Variants in SLC25A26 observed in about 807,000 individuals in gnomAD.
SLC25A26 encodes the protein mitochondrial S-adenosylmethionine carrier protein.
A neutral mutation model predicts 37.8 loss-of-function variants in SLC25A26; 36 were observed. The observed-to-expected ratio is 0.95, with a 90% confidence interval of 0.73 to 1.26. The LOEUF is 1.26. Ranked by LOEUF, SLC25A26 falls within the 50% of genes most tolerant of loss-of-function variation. The probability of loss-of-function intolerance (pLI) is 0.00; values close to 1 mark genes in which losing one functional copy is unlikely to be tolerated. For synonymous variants in SLC25A26, 129 were observed against 122.5 expected (o/e 1.05, Z -0.35); for missense variants, 390 against 331.1 (o/e 1.18, Z -1.38).
intron 1 of SLC25A26, among the ~76,000 whole-genome samples, chr3:66,147,275 C>T (rs1191430718): frequency 4.0e-5 from 6 of 150,822 alleles, no homozygotes; most frequent in African/African-American, 1.5e-4. Context: ...GCGATCCTCC[C>T]GCCTCATCCT....
intron 2 of SLC25A26, among the ~76,000 whole-genome samples, chr3:66,241,191 T>C (rs1314417950): frequency 6.6e-6 from 1 of 152,158 alleles, no homozygotes. Flanking sequence ...AAACCCGTGT[T>C]CAAGGATCAC....
intron 1 of SLC25A26, among the ~76,000 whole-genome samples, chr3:66,209,841 TAGAG>T (rs1166815747): frequency 1.2e-4 from 15 of 125,466 alleles, no homozygotes; most frequent in Non-Finnish European, 1.8e-4. Context: ...ACCTTATATA[TAGAG>T]AGAGGTGTGT....
intron 1 of SLC25A26, among the ~76,000 whole-genome samples, chr3:66,139,678 GTGT>G (rs2070005434): frequency 6.6e-6 from 1 of 152,202 alleles, no homozygotes; most frequent in Admixed American, 6.5e-5. Context: ...GTCGGCTGCA[GTGT>G]TACACATGCA....
intron 4 of SLC25A26, 115 bp from the exon 5 acceptor site, chr3:66,263,217 G>A: frequency 1.4e-6 from 1 of 730,318 alleles, no homozygotes; most frequent in Non-Finnish European, 2.5e-6. Context: ...AGAGAAGTGT[G>A]GCAATTGTGA....
intron 5 of SLC25A26, among the ~76,000 whole-genome samples, chr3:66,267,749 A>G (rs1196221134): frequency 2.6e-5 from 4 of 152,192 alleles, no homozygotes; most frequent in African/African-American, 9.6e-5. Context: ...TCTGTTCAGT[A>G]AGTTCATTGA....
At chr3:66,187,995 C>T (rs1475760614) in intron 1 of SLC25A26, among the ~76,000 whole-genome samples, 1 of 152,162 alleles carries the variant, frequency 6.6e-6, no homozygotes, top group Non-Finnish European at 1.5e-5. Flanking sequence ...CTATGACCCT[C>T]CTCACTATTA....
At chr3:66,371,089 T>C (rs1183141485) in intron 9 of SLC25A26, 3 of 1,382,772 alleles carry the variant, frequency 2.2e-6, no homozygotes, top group Non-Finnish European at 2.8e-6. Context: ...TCTAGCTTCA[T>C]GTCCTAAAAG....
At chr3:66,228,734 TC>T (rs1553661934) in intron 1 of SLC25A26, among the ~76,000 whole-genome samples, 1 of 152,242 alleles carries the variant, frequency 6.6e-6, no homozygotes, top group African/African-American at 2.4e-5. Flanking sequence ...TGCAACTTTT[TC>T]ATAGCTGAGG....
At chr3:66,202,548 A>G (rs2071125038) in intron 1 of SLC25A26, among the ~76,000 whole-genome samples, 5 of 148,770 alleles carry the variant, frequency 3.4e-5, no homozygotes, top group South Asian at 2.1e-4. Flanking sequence ...AAAAAAAAAA[A>G]GGAAAGAAAA....
intron 9 of SLC25A26, among the ~76,000 whole-genome samples, chr3:66,372,074 C>T (rs1700376563): frequency 6.6e-6 from 1 of 152,182 alleles, no homozygotes; most frequent in East Asian, 1.9e-4. Flanking sequence ...GCCTGGGTGA[C>T]AGAGCAAGAC....
chr3:66,135,414 T>G (rs1317524527), intron 1 of SLC25A26, among the ~76,000 whole-genome samples: 1 of 152,174 alleles, frequency 6.6e-6, no homozygotes, highest in Non-Finnish European at 1.5e-5. Flanking sequence ...CTCCAATTAG[T>G]TAATCACAGT....
At chr3:66,158,324 A>C (rs563827776) in intron 1 of SLC25A26, among the ~76,000 whole-genome samples, 63 of 152,154 alleles carry the variant, frequency 4.1e-4, no homozygotes, top group Non-Finnish European at 7.1e-4. Flanking sequence ...CGTTGTATGC[A>C]TATACACCAT....
intron 1 of SLC25A26, among the ~76,000 whole-genome samples, chr3:66,194,289 A>G (rs916220124): frequency 6.0e-4 from 91 of 152,284 alleles, no homozygotes; most frequent in Non-Finnish European, 9.4e-4. Context: ...CCTTGCTGGA[A>G]AGCTATTCCA....
intron 5 of SLC25A26, among the ~76,000 whole-genome samples, chr3:66,304,783 A>G (rs952759231): frequency 2.6e-5 from 4 of 152,204 alleles, no homozygotes; most frequent in Non-Finnish European, 5.9e-5. Context: ...GCAATTTTCA[A>G]TACTTTGCAG....
intron 5 of SLC25A26, among the ~76,000 whole-genome samples, chr3:66,289,337 C>A (rs149262832): frequency 5.9e-5 from 9 of 152,008 alleles, no homozygotes; most frequent in East Asian, 3.9e-4. Flanking sequence ...ATTAGATCCC[C>A]TTTGTCAATT....
chr3:66,298,520 G>C (rs897168865), intron 5 of SLC25A26, among the ~76,000 whole-genome samples: 2 of 152,156 alleles, frequency 1.3e-5, no homozygotes, highest in South Asian at 4.1e-4. Context: ...GTAATAAACA[G>C]TTTTCAGAAT....
chr3:66,235,672 T>C (rs1170006359), intron 1 of SLC25A26, among the ~76,000 whole-genome samples: 1 of 152,200 alleles, frequency 6.6e-6, no homozygotes, highest in Non-Finnish European at 1.5e-5. Flanking sequence ...ATATAACATT[T>C]GGTCTGACGT....
chr3:66,236,505 CT>C (rs782488349), intron 1 of SLC25A26, 38 bp from the exon 2 acceptor site: 1,044 of 1,258,086 alleles, frequency 8.3e-4, no homozygotes, highest in South Asian at 2.0e-3. Context: ...TTGTTGTAAC[CT>C]TTTTTTTTTC....
chr3:66,262,714 T>G (rs2073578443), intron 4 of SLC25A26, among the ~76,000 whole-genome samples: 1 of 152,206 alleles, frequency 6.6e-6, no homozygotes, highest in African/African-American at 2.4e-5. Context: ...GTCTTGATTT[T>G]AGAAAAGTTA....
Sources: gnomAD v4.1 joint callset for allele counts (sites outside exome capture counted in the v4.1 genomes callset) on GRCh38, gnomAD v4.1.1 for gene constraint, MANE v1.5 for transcripts, NCBI Gene and HGNC (gene_info 2026-07-23, HGNC 2026-07-21) for gene names.